Variants in MFN2 observed in about 807,000 individuals in gnomAD.
MFN2 encodes mitofusin-2.
In MFN2, 43 loss-of-function variants were observed where a neutral mutation model predicts 87.5. That is an observed-to-expected ratio of 0.49 (90% CI 0.38 to 0.63). The LOEUF is 0.63. Ranked by LOEUF, MFN2 falls within the 30% of genes least tolerant of loss-of-function variation. The pLI is 0.00. For synonymous variants in MFN2, 337 were observed against 359.9 expected (o/e 0.94, Z 0.72); for missense variants, 743 against 972.8 (o/e 0.76, Z 3.14).
At position 12,003,145 on chromosome 1, in the gene MFN2, A is replaced by G. The variant is rs1639249918; in HGVS notation, c.1161-847A>G. ...CATTTGTTCATGTGTCCCCTTGTGC[A>G]CCTTTTTAAGAGTCTTCCTGGGGTG... On this transcript the variant is annotated intron_variant, in intron 11 of 18. Transcript: ENST00000235329. The surrounding 1 kb of genome is among the most constrained non-coding windows in gnomAD (Gnocchi z 4.1). Among the ~76,000 whole-genome samples, 1 of 152,028 alleles carries G rather than the reference A, an allele frequency of 6.6e-6. No homozygotes were observed. The highest frequency in any genetic ancestry group is 2.1e-4 in the South Asian group (1 of 4,814).
intron 2 of MFN2, among the ~76,000 whole-genome samples, chr1:11,984,626 C>T (rs771069361): frequency 5.9e-5 from 9 of 152,226 alleles, no homozygotes; most frequent in African/African-American, 1.7e-4. Flanking sequence ...CTCTGACCTT[C>T]TGCTCTCCTT....
Position 12,002,030 on chromosome 1 carries a change from G to A in MFN2, c.1087G>A (p.Val363Ile). 6.2e-7 allele frequency: 1 copy of A among 1,614,218 alleles called. No homozygotes were observed. Among genetic ancestry groups the A allele is most frequent in the Non-Finnish European group, 8.5e-7 (1 of 1,180,036 alleles). The change falls in exon 11 of 19, where the codon GTC (valine) becomes ATC (isoleucine). Residue 363 changes from valine to isoleucine, a missense_variant. By Grantham distance (29) the Val-to-Ile change is conservative. Around this residue, in one of 3 missense-constraint regions of MFN2, gnomAD observed 571 missense variants for 670.7 expected, o/e 0.85. Transcript: ENST00000235329. Reference protein sequence around the residue: ...AVKTKFEQHTVRAKQIAEAVR... With the variant: ...AVKTKFEQHTIRAKQIAEAVR... ...GAAGACCAAGTTTGAGCAGCACACG[G>A]TCCGGGCCAAGCAGATTGCAGAGGC...
In MFN2 at chr1:12,005,906, G is replaced by A. The variant is rs746213217; in HGVS notation, c.1691G>A (p.Arg564Gln). Residue 564 changes from arginine to glutamine, a missense_variant, in exon 15 of 19, where the codon CGG (arginine) becomes CAG (glutamine). Coordinates refer to ENST00000235329, the MANE Select transcript of MFN2 (RefSeq NM_014874.4). ...TTCCTGGGCCCCAAGAACAGCCGTC[G>A]GGCCTTGATGGGCTACAATGACCAG... is the stretch of plus-strand genomic sequence containing the variant. ...NRFLGPKNSR[R>Q]ALMGYNDQVQ... 3.1e-6 allele frequency: 5 copies of A among 1,613,584 alleles called. No homozygotes were observed. Among genetic ancestry groups the A allele is most frequent in the Admixed American group, 1.7e-5 (1 of 59,996 alleles).
chr1:12,001,159 T>C (rs1235182896), intron 8 of MFN2, among the ~76,000 whole-genome samples: 1 of 152,096 alleles, frequency 6.6e-6, no homozygotes, highest in Non-Finnish European at 1.5e-5. Flanking sequence ...TACAGGCGCC[T>C]GCCACCATGC....
intron 8 of MFN2, among the ~76,000 whole-genome samples, chr1:11,999,383 A>C (rs550888976): frequency 4.1e-4 from 63 of 152,292 alleles, no homozygotes; most frequent in Middle Eastern, 3.4e-3. Flanking sequence ...CTGAGGAATT[A>C]ATACAGAACA....
intron 17 of MFN2, among the ~76,000 whole-genome samples, chr1:12,008,808 C>T (rs921686789): frequency 2.0e-5 from 3 of 152,044 alleles, no homozygotes; most frequent in African/African-American, 4.8e-5. Flanking sequence ...GACGGGGTGG[C>T]GGCCGGGCAG....
intron 17 of MFN2, 47 bp from the exon 18 acceptor site, chr1:12,009,545 A>G (rs1639595733): frequency 6.2e-7 from 1 of 1,613,926 alleles, no homozygotes; most frequent in East Asian, 2.2e-5. Flanking sequence ...CACCAGTGGC[A>G]TCTTGCTCCA....
Position 12,007,262 on chromosome 1 carries a change from G to T in MFN2, c.2069+13G>T, listed in dbSNP as rs766629075. 8 of 1,612,964 alleles carry T rather than the reference G, an allele frequency of 5.0e-6. No homozygotes were observed. The highest frequency in any genetic ancestry group is 1.3e-5 in the African/African-American group (1 of 74,922). ...ACCAAGTCCAGCAGTGAGTGGCCCTGTCGGACCCCAGCAGGGGACTTCCTT... is the reference window on the plus strand; with the variant it reads ...ACCAAGTCCAGCAGTGAGTGGCCCTTTCGGACCCCAGCAGGGGACTTCCTT... On this transcript the variant is annotated intron_variant, in intron 17 of 18. Transcript: ENST00000235329.
Position 11,992,636 on chromosome 1 carries a change from G to T in MFN2, c.257G>T (p.Arg86Ile). 1 of 1,614,210 alleles carries T rather than the reference G, an allele frequency of 6.2e-7. No homozygotes were observed. Among genetic ancestry groups the T allele is most frequent in the Non-Finnish European group, 8.5e-7 (1 of 1,180,042 alleles). Residue 86 changes from arginine to isoleucine, a missense_variant, in exon 4 of 19, where the codon AGA (arginine) becomes ATA (isoleucine). Around this residue, in one of 3 missense-constraint regions of MFN2, gnomAD observed 141 missense variants for 278.9 expected, o/e 0.51. Coordinates refer to ENST00000235329, the MANE Select transcript of MFN2 (RefSeq NM_014874.4). ...GTCAAAGGTTACCTATCCAAAGTGA[G>T]AGGCATCAGTGAGGTGCTGGCTCGG... is the stretch of plus-strand genomic sequence containing the variant. The part of the protein sequence containing the change: ...LDVKGYLSKV[R>I]GISEVLARRH...
Position 11,996,308 on chromosome 1 carries a change from G to A in MFN2, c.464G>A (p.Arg155Lys). Reference sequence around the variant, plus strand: ...CTTACCGAGGGCTCAGAGGAAAAGAGGAGTGCCAAGGTGAGGGTGCCAGGC... The same window carrying A: ...CTTACCGAGGGCTCAGAGGAAAAGAAGAGTGCCAAGGTGAGGGTGCCAGGC... ...FLLTEGSEEKRSAKTVNQLAH... is the reference protein window; with the variant it reads ...FLLTEGSEEKKSAKTVNQLAH... The change falls in exon 5 of 19, where the codon AGG (arginine) becomes AAG (lysine). Residue 155 changes from arginine to lysine, a missense_variant. Physicochemically the swap from Arg to Lys is conservative, Grantham distance 26. This residue lies in a region of MFN2 where 141 missense variants were observed against 278.9 expected (regional missense o/e 0.51). Coordinates refer to ENST00000235329, the MANE Select transcript of MFN2 (RefSeq NM_014874.4). The A allele has an allele frequency of 1.9e-6, 3 of 1,614,148 alleles. No homozygotes were observed. Among genetic ancestry groups the A allele is most frequent in the Non-Finnish European group, 2.5e-6 (3 of 1,180,036 alleles).
intron 1 of MFN2, 57 bp downstream of exon 1, chr1:11,980,541 C>A: frequency 2.5e-6 from 1 of 398,000 alleles, no homozygotes; most frequent in South Asian, 1.3e-4. Context: ...CCCGGCGAGT[C>A]CTGAGCAGCT....
chr1:11,997,538 C>T, intron 6 of MFN2, 117 bp downstream of exon 6: 1 of 1,409,486 alleles, frequency 7.1e-7, no homozygotes, highest in Non-Finnish European at 9.9e-7. Context: ...GTATTACTAC[C>T]TTTCAGATGG....
intron 2 of MFN2, among the ~76,000 whole-genome samples, chr1:11,985,307 G>T (rs996623357): frequency 6.6e-6 from 1 of 152,090 alleles, no homozygotes; most frequent in African/African-American, 2.4e-5. Flanking sequence ...CTTGTTTGTT[G>T]TACACATGAA....
intron 4 of MFN2, among the ~76,000 whole-genome samples, chr1:11,995,443 G>A (rs1357523743): frequency 6.6e-6 from 1 of 151,852 alleles, no homozygotes; most frequent in South Asian, 2.1e-4. Flanking sequence ...GACCAGTCTG[G>A]CCAACATGGT....
chr1:12,006,418 CT>C, intron 15 of MFN2, 119 bp from the exon 16 acceptor site: 2 of 1,354,358 alleles, frequency 1.5e-6, no homozygotes, highest in Non-Finnish European at 1.0e-6. Context: ...CCCTTTTTGC[CT>C]TTTGGAAATT....
chr1:11,997,098 C>T (rs1252893175), intron 5 of MFN2, among the ~76,000 whole-genome samples, 199 bp from the exon 6 acceptor site: 5 of 151,470 alleles, frequency 3.3e-5, no homozygotes, highest in East Asian at 1.9e-4. Context: ...GGGTGATATC[C>T]GGGAAAGAAG....
intron 5 of MFN2, 87 bp downstream of exon 5, chr1:11,996,405 G>T: frequency 5.9e-6 from 9 of 1,526,968 alleles, no homozygotes; most frequent in Non-Finnish European, 8.1e-6. Context: ...CCTCTAGGGA[G>T]GGGGCAGCAC....
At chr1:11,998,714 G>A in intron 6 of MFN2, 56 bp from the exon 7 acceptor site, 2 of 1,530,994 alleles carry the variant, frequency 1.3e-6, no homozygotes, top group Non-Finnish European at 1.8e-6. Context: ...GTTCTCAGCA[G>A]GAAGAATAGG....
intron 18 of MFN2, among the ~76,000 whole-genome samples, chr1:12,009,972 G>A (rs1209726573): frequency 1.3e-5 from 2 of 152,208 alleles, no homozygotes; most frequent in East Asian, 3.8e-4. Context: ...TGACCAACAT[G>A]GTGAAACCCC....
Sources: allele counts gnomAD v4.1 joint callset (sites outside exome capture counted in the v4.1 genomes callset), GRCh38; gene constraint gnomAD v4.1.1; regional missense constraint gnomAD v4.1.1; non-coding constraint Gnocchi (gnomAD v3.1); transcripts MANE v1.5; gene names NCBI Gene and HGNC (gene_info 2026-07-23, HGNC 2026-07-21).